Variants in ATXN2 observed in about 807,000 individuals in gnomAD.
ATXN2 encodes ataxin-2.
A neutral mutation model predicts 138.6 loss-of-function variants in ATXN2; 37 were observed. The observed-to-expected ratio is 0.27, with a 90% CI of 0.21 to 0.35. The LOEUF (loss-of-function observed/expected upper bound fraction) is 0.35, where lower values mean the gene tolerates loss of function less well. Among genes scored for constraint, ATXN2 ranks in the 10% least tolerant of loss-of-function variants. The probability of loss-of-function intolerance (pLI) is 1.00; values close to 1 mark genes in which losing one functional copy is unlikely to be tolerated. For synonymous variants in ATXN2, 549 were observed against 543.7 expected, an observed-to-expected ratio of 1.01 and a Z score of -0.13; for missense variants, 1,216 against 1,480.3, an observed-to-expected ratio of 0.82 and a Z score of 2.93.
chr12:111,550,712 T>C (rs2135783868), intron 5 of ATXN2, among the ~76,000 whole-genome samples: 1 of 152,212 alleles, frequency 6.6e-6, no homozygotes, highest in South Asian at 2.1e-4. Context: ...ACAAGGACAT[T>C]TGAGAAGATT....
At chr12:111,547,798 T>A (rs1343324617) in intron 5 of ATXN2, among the ~76,000 whole-genome samples, 4 of 148,772 alleles carry the variant, frequency 2.7e-5, no homozygotes, top group Non-Finnish European at 3.0e-5. Flanking sequence ...AAAAAAAACT[T>A]GAACAACATA....
At chr12:111,534,118 A>T (rs1348475877) in intron 5 of ATXN2, among the ~76,000 whole-genome samples, 1 of 151,870 alleles carries the variant, frequency 6.6e-6, no homozygotes, top group African/African-American at 2.4e-5. Context: ...TAAATAAATT[A>T]AGTTTAAAAA....
chr12:111,507,261 C>T (rs1353824769), intron 14 of ATXN2, among the ~76,000 whole-genome samples: 2 of 148,232 alleles, frequency 1.3e-5, no homozygotes, highest in African/African-American at 2.5e-5. Context: ...ATGTGGGGAG[C>T]GCCTCTGCCC....
In ATXN2 at chr12:111,486,771, G is replaced by C; in HGVS notation, c.2294C>G (p.Ser765Cys). The C allele has an allele frequency of 6.2e-7, 1 of 1,611,736 alleles. No individual in the cohort carries two copies. The highest frequency in any genetic ancestry group is 8.5e-7 in the Non-Finnish European group (1 of 1,178,422). Residue 765 changes from serine (S) to cysteine (C), a missense_variant, in exon 16 of 25, where the codon TCC (serine) becomes TGC (cysteine). Ser to Cys is a moderately radical substitution (Grantham distance 112, BLOSUM62 -1). Transcript: ENST00000673436. ...AAGTAATAAACCTACCTGAGAGAAG[G>C]AACGTGGGTTGAACTCCTTTGCATT... is the stretch of plus-strand genomic sequence containing the variant. The part of the protein sequence containing the change: ...NPNAKEFNPR[S>C]FSQPKPSTTP...
At position 111,594,077 on chromosome 12, in the gene ATXN2, G is replaced by A. The variant is rs149802427; in HGVS notation, c.251+4707C>T. Among the ~76,000 whole-genome samples, 21 of 152,104 alleles carry A rather than the reference G, an allele frequency of 1.4e-4. No individual in the cohort carries two copies. The East Asian group carries it at 3.7e-3, about 27-fold the overall frequency. Reference sequence around the variant, plus strand: ...TAATCTGCTTTCTTCTAATTCCATAGCTCTTATACACTATTATACATAGGC... The same window carrying A: ...TAATCTGCTTTCTTCTAATTCCATAACTCTTATACACTATTATACATAGGC... On this transcript the variant is annotated intron_variant, in intron 1 of 24. Transcript: ENST00000673436.
rs1159907140 is a variant in ATXN2 at position 111,598,997 on chromosome 12, TGC to T, written c.36_37del (p.Gln13AlafsTer76). On this transcript the variant is annotated frameshift_variant, in exon 1 of 25. Coordinates refer to ENST00000673436, the MANE Select transcript of ATXN2 (RefSeq NM_001372574.1). LOFTEE classifies it high-confidence loss of function. The surrounding 1 kb of genome is among the most constrained non-coding windows in gnomAD (Gnocchi z 4.5). ...CTGCTGTTGCTGCTGCTGCTGCTGCTGCTGCTGCTGCTGCTGCTGCTGGGGCT... is the reference window on the plus strand; with the variant it reads ...CTGCTGTTGCTGCTGCTGCTGCTGCTTGCTGCTGCTGCTGCTGCTGGGGCT... The T allele has an allele frequency of 1.1e-4, 166 of 1,494,862 alleles. 1 individual carries two copies. The African/African-American group carries it at 2.2e-3, about 20-fold the overall frequency. 92.6% of individuals were successfully genotyped at this position (1,494,862 alleles called of 1,614,324 possible).
intron 5 of ATXN2, among the ~76,000 whole-genome samples, chr12:111,551,656 G>A (rs1882127047): frequency 6.6e-6 from 1 of 151,936 alleles, no homozygotes; most frequent in South Asian, 2.1e-4. Flanking sequence ...CTAAAGCATT[G>A]TAGGCCAAAT....
In ATXN2 at chr12:111,541,733, T is replaced by C. The variant is rs12302978; in HGVS notation, c.571+10547A>G. On this transcript the variant is annotated intron_variant, in intron 5 of 24. Transcript: ENST00000673436. Reference sequence around the variant, plus strand: ...AAAGTTCTTCTGTTAATACACATAATCTAATAAGCTTTAGAATCATTTTGT... The same window carrying C: ...AAAGTTCTTCTGTTAATACACATAACCTAATAAGCTTTAGAATCATTTTGT... 6.4e-3 allele frequency among the ~76,000 whole-genome samples: 954 copies of C among 149,046 alleles called. 33 individuals carry two copies. The highest frequency in any genetic ancestry group is 0.022 in the African/African-American group (900 of 41,214).
intron 14 of ATXN2, among the ~76,000 whole-genome samples, chr12:111,490,489 T>C (rs1877951920): frequency 6.6e-6 from 1 of 152,070 alleles, no homozygotes; most frequent in African/African-American, 2.4e-5. Context: ...TGACTGTACA[T>C]ATTGGTCAGT....
chr12:111,528,548 T>A lies in ATXN2; in HGVS notation c.572-3232A>T, dbSNP rs534769486. 3.3e-5 allele frequency among the ~76,000 whole-genome samples: 5 copies of A among 152,316 alleles called. No homozygotes were observed. The East Asian group carries it at 9.6e-4, about 29-fold the overall frequency. ...CTCAATGCTACATTTTAATCTTAAA[T>A]CTTCTGTTTACAATACCAAACTTTT... On this transcript the variant is annotated intron_variant, in intron 5 of 24. Coordinates refer to ENST00000673436, the MANE Select transcript of ATXN2 (RefSeq NM_001372574.1).
chr12:111,452,947 A>G, intron 24 of ATXN2, 107 bp from the exon 25 acceptor site: 3 of 1,387,172 alleles, frequency 2.2e-6, no homozygotes, highest in Non-Finnish European at 2.8e-6. Context: ...TAGCTGAACA[A>G]AACTCAAAAT....
intron 2 of ATXN2, among the ~76,000 whole-genome samples, chr12:111,555,006 C>A (rs1882316279): frequency 6.6e-6 from 1 of 152,140 alleles, no homozygotes; most frequent in South Asian, 2.1e-4. Context: ...CTAATAAAGG[C>A]AAAGTCTCAA....
At chr12:111,457,006 C>G (rs1875155184) in intron 22 of ATXN2, among the ~76,000 whole-genome samples, 1 of 152,162 alleles carries the variant, frequency 6.6e-6, no homozygotes, top group Non-Finnish European at 1.5e-5. Flanking sequence ...CCTCGGCCTC[C>G]CAAAGTGGTG....
intron 1 of ATXN2, among the ~76,000 whole-genome samples, chr12:111,585,815 A>C (rs1215261715): frequency 6.6e-6 from 1 of 150,430 alleles, no homozygotes; most frequent in Non-Finnish European, 1.5e-5. Flanking sequence ...AAAAAAAAAA[A>C]AAAAAAAAAA....
intron 5 of ATXN2, among the ~76,000 whole-genome samples, chr12:111,537,080 C>T (rs1310864727): frequency 1.3e-5 from 2 of 151,974 alleles, no homozygotes; most frequent in Admixed American, 1.3e-4. Context: ...CCACCACACC[C>T]GGCCCACACA....
intron 18 of ATXN2, among the ~76,000 whole-genome samples, chr12:111,483,728 C>T (rs866602543): frequency 6.6e-6 from 1 of 152,112 alleles, no homozygotes; most frequent in South Asian, 2.1e-4. Context: ...GCACAGAATA[C>T]TAGTTTATGC....
chr12:111,492,416 G>A (rs1878095633), intron 14 of ATXN2, among the ~76,000 whole-genome samples: 1 of 152,236 alleles, frequency 6.6e-6, no homozygotes, highest in Non-Finnish European at 1.5e-5. Context: ...GGATGCAGTG[G>A]CTAACGCCTG....
chr12:111,569,602 A>G (rs1883201659), intron 1 of ATXN2, among the ~76,000 whole-genome samples: 2 of 152,070 alleles, frequency 1.3e-5, no homozygotes, highest in Admixed American at 6.6e-5. Flanking sequence ...CTACAGTTCC[A>G]GTTACTTGGG....
intron 1 of ATXN2, among the ~76,000 whole-genome samples, chr12:111,588,690 A>G (rs1884469791): frequency 6.6e-6 from 1 of 151,956 alleles, no homozygotes; most frequent in Admixed American, 6.6e-5. Context: ...ACCCAGACTC[A>G]TAAAAAAAAT....
Sources: allele counts gnomAD v4.1 joint callset (sites outside exome capture counted in the v4.1 genomes callset), GRCh38; gene constraint gnomAD v4.1.1; non-coding constraint Gnocchi (gnomAD v3.1); transcripts MANE v1.5; gene names NCBI Gene and HGNC (gene_info 2026-07-23, HGNC 2026-07-21).